Variants in MMP24 observed in about 807,000 individuals in gnomAD.
The protein encoded by MMP24 is matrix metallopeptidase 24.
A neutral mutation model predicts 62.8 loss-of-function variants in MMP24; 25 were observed. That is an observed-to-expected ratio of 0.40 (90% CI 0.29 to 0.56). MMP24 has a LOEUF of 0.56. Ranked by LOEUF, MMP24 falls within the 20% of genes least tolerant of loss-of-function variation. MMP24 has a pLI of 0.50. For missense variants in MMP24, 634 were observed against 853.6 expected, an observed-to-expected ratio of 0.74 and a Z score of 3.21; for synonymous variants, 319 against 350.5, an observed-to-expected ratio of 0.91 and a Z score of 1.00.
chr20:35,271,252 G>C lies in MMP24; in HGVS notation c.1334-317G>C, dbSNP rs1600807553. Among the ~76,000 whole-genome samples, 1 of 152,196 alleles carries C rather than the reference G, an allele frequency of 6.6e-6. No homozygotes were observed. The highest frequency in any genetic ancestry group is 2.4e-5 in the African/African-American group (1 of 41,452). ...TCTGGCTCTGCTGCTCAGGTCCAGT[G>C]GGAGAGCCTCAGAGTCGGGTGTCAC... On this transcript the variant is annotated intron_variant, in intron 7 of 8. Coordinates refer to ENST00000246186, the MANE Select transcript of MMP24 (RefSeq NM_006690.4). This position sits in a 1 kb window ranked among gnomAD's most constrained non-coding sequence, Gnocchi z 4.0.
intron 1 of MMP24, 124 bp from the exon 2 acceptor site, chr20:35,246,716 C>T (rs1160213465): frequency 1.8e-6 from 2 of 1,137,882 alleles, no homozygotes; most frequent in African/African-American, 3.1e-5. Flanking sequence ...GGAAAAAGAA[C>T]TCAGAGCATG....
chr20:35,227,301 T>C (rs533750013), intron 1 of MMP24, among the ~76,000 whole-genome samples: 1 of 151,584 alleles, frequency 6.6e-6, no homozygotes, highest in South Asian at 2.1e-4. Context: ...AGGGAAACCG[T>C]ACAACGCCTC....
At chr20:35,244,528 C>T (rs915815191) in intron 1 of MMP24, among the ~76,000 whole-genome samples, 5 of 152,158 alleles carry the variant, frequency 3.3e-5, no homozygotes, top group African/African-American at 9.7e-5. Flanking sequence ...GCAACCTCCG[C>T]CTCCTGGGTT....
chr20:35,251,773 G>T (rs2060548247), intron 2 of MMP24, 132 bp from the exon 3 acceptor site: 9 of 676,298 alleles, frequency 1.3e-5, no homozygotes. Flanking sequence ...GTCCATCCAA[G>T]CCAGGGTCCC....
chr20:35,245,589 C>T (rs112509703), intron 1 of MMP24, among the ~76,000 whole-genome samples: 57 of 152,022 alleles, frequency 3.7e-4, no homozygotes, highest in African/African-American at 1.4e-3. Context: ...GCTGGGATTA[C>T]AGGTGTGCAC....
In MMP24 at chr20:35,275,839, C is replaced by G; in HGVS notation, c.*1230C>G. Reference sequence around the variant, plus strand: ...TTCCCACACTGCTCTTAGAAGGACACCCCTACCGGTAGCAGCCCCAAGCTG... The same window carrying G: ...TTCCCACACTGCTCTTAGAAGGACAGCCCTACCGGTAGCAGCCCCAAGCTG... On this transcript the variant is annotated 3_prime_UTR_variant, in exon 9 of 9. Transcript: ENST00000246186. The G allele has an allele frequency of 2.5e-6, 1 of 396,014 alleles. No homozygotes were observed. Among genetic ancestry groups the G allele is most frequent in the Non-Finnish European group, 4.4e-6 (1 of 224,992 alleles). The allele number at this position is 396,014 out of a possible 1,614,324, so 24.5% of individuals were successfully genotyped here. A position where few individuals can be genotyped will look rare whatever the true frequency, so the allele number is the denominator to read the frequency against.
chr20:35,264,707 C>CAA (rs57309455), intron 5 of MMP24, among the ~76,000 whole-genome samples: 805 of 43,512 alleles, frequency 0.019, 29 homozygotes, highest in Non-Finnish European at 0.028. Flanking sequence ...GACTCCGTCT[C>CAA]AAAAAAAAAA....
intron 1 of MMP24, among the ~76,000 whole-genome samples, chr20:35,240,177 T>G (rs1446566995): frequency 1.3e-5 from 2 of 152,104 alleles, no homozygotes; most frequent in Non-Finnish European, 2.9e-5. Flanking sequence ...TGTCTCCCGC[T>G]CTCTTCCCTC....
At position 35,254,651 on chromosome 20, in the gene MMP24, A is replaced by G; in HGVS notation, c.714A>G (p.Glu238=). ...FHGDSSPFDG[E]GGFLAHAYFP... ...GCGACAGCTCCCCATTTGATGGAGA[A>G]GGGGGATTCCTGGCCCATGCCTACT... The change falls in exon 4 of 9, where the codon GAA becomes GAG. Residue 238 remains glutamate, a synonymous_variant. Coordinates refer to ENST00000246186, the MANE Select transcript of MMP24 (RefSeq NM_006690.4). 1 of 1,614,192 alleles carries G rather than the reference A, an allele frequency of 6.2e-7. No individual in the cohort carries two copies. Among genetic ancestry groups the G allele is most frequent in the Non-Finnish European group, 8.5e-7 (1 of 1,180,048 alleles).
In MMP24 at chr20:35,276,047, T is replaced by C; in HGVS notation, c.*1438T>C. On this transcript the variant is annotated 3_prime_UTR_variant, in exon 9 of 9. Transcript: ENST00000246186. ...GCTCTCTGCCAAAGCCAAAAAGGTG[T>C]CAGGCAGTCTCCAGCGTGCTGGCCG... 2.5e-6 allele frequency: 1 copy of C among 398,638 alleles called. No individual in the cohort carries two copies. 24.7% of individuals were successfully genotyped at this position (398,638 alleles called of 1,614,324 possible).
intron 2 of MMP24, among the ~76,000 whole-genome samples, chr20:35,247,304 T>C (rs2060520616): frequency 6.6e-6 from 1 of 152,194 alleles, no homozygotes. Flanking sequence ...AATTTATCTA[T>C]GGGTCACCCT....
chr20:35,269,970 G>A lies in MMP24; in HGVS notation c.1333+72G>A. ...GACCTCCTTTTTCCCATCTAAACTGGAAGAGGCGGGGTGGGAGGCAGATGT... is the reference window on the plus strand; with the variant it reads ...GACCTCCTTTTTCCCATCTAAACTGAAAGAGGCGGGGTGGGAGGCAGATGT... On this transcript the variant is annotated intron_variant, in intron 7 of 8. Transcript: ENST00000246186. This position sits in a 1 kb window ranked among gnomAD's most constrained non-coding sequence, Gnocchi z 4.6. 3 of 1,529,536 alleles carry A rather than the reference G, an allele frequency of 2.0e-6. No homozygotes were observed. Among genetic ancestry groups the A allele is most frequent in the Non-Finnish European group, 2.6e-6 (3 of 1,133,248 alleles). The allele number at this position is 1,529,536 out of a possible 1,614,324, so 94.7% of individuals were successfully genotyped here.
chr20:35,257,933 C>T (rs765914831), intron 4 of MMP24, among the ~76,000 whole-genome samples: 1 of 152,148 alleles, frequency 6.6e-6, no homozygotes, highest in Non-Finnish European at 1.5e-5. Context: ...GGCAAGGAAC[C>T]AAAATTTATT....
intron 1 of MMP24, among the ~76,000 whole-genome samples, chr20:35,245,044 A>C (rs1002737288): frequency 2.6e-5 from 4 of 152,130 alleles, no homozygotes; most frequent in Non-Finnish European, 5.9e-5. Flanking sequence ...TATTTATTTT[A>C]GAGATGAGAT....
chr20:35,243,826 G>A (rs1033189515), intron 1 of MMP24, among the ~76,000 whole-genome samples: 3 of 151,964 alleles, frequency 2.0e-5, no homozygotes, highest in Non-Finnish European at 4.4e-5. Context: ...ATTAGGCAGA[G>A]GAAAAAACAT....
chr20:35,265,437 G>A (rs1314177605), intron 5 of MMP24, among the ~76,000 whole-genome samples: 5 of 146,032 alleles, frequency 3.4e-5, no homozygotes, highest in Admixed American at 2.0e-4. Context: ...GTGAGACTCC[G>A]TCTCAAAAAA....
chr20:35,252,107 T>G, intron 3 of MMP24, 86 bp downstream of exon 3: 1 of 1,096,550 alleles, frequency 9.1e-7, no homozygotes, highest in Non-Finnish European at 1.4e-6. Context: ...GCTCACAATG[T>G]AGGGGGGCCT....
At chr20:35,233,205 G>A (rs191899064) in intron 1 of MMP24, among the ~76,000 whole-genome samples, 8 of 152,156 alleles carry the variant, frequency 5.3e-5, no homozygotes, top group Admixed American at 1.3e-4. Flanking sequence ...CCAGGAGTTC[G>A]AGACCAGCCT....
At chr20:35,248,456 C>A (rs183454184) in intron 2 of MMP24, among the ~76,000 whole-genome samples, 1 of 152,028 alleles carries the variant, frequency 6.6e-6, no homozygotes, top group Non-Finnish European at 1.5e-5. Context: ...CAGGCATGTA[C>A]CACCATGCTG....
Sources: allele counts gnomAD v4.1 joint callset (sites outside exome capture counted in the v4.1 genomes callset), GRCh38; gene constraint gnomAD v4.1.1; non-coding constraint Gnocchi (gnomAD v3.1); transcripts MANE v1.5; gene names NCBI Gene and HGNC (gene_info 2026-07-23, HGNC 2026-07-21).